Variants in CCDC33 observed in about 807,000 individuals in gnomAD.
The protein encoded by CCDC33 is coiled-coil domain containing 33.
Under a neutral mutation model 91.9 loss-of-function variants are expected in CCDC33, and 94 were observed. The ratio of observed to expected loss-of-function variants is 1.02; its 90% confidence interval spans 0.87 to 1.21. The LOEUF is 1.21. CCDC33 is among the 50% of genes most tolerant of loss of function. The probability of loss-of-function intolerance (pLI) is 0.00; values close to 1 mark genes in which losing one functional copy is unlikely to be tolerated. For missense variants in CCDC33, 940 were observed against 935.5 expected, an observed-to-expected ratio of 1.00 and a Z score of -0.06; for synonymous variants, 396 against 374.5, an observed-to-expected ratio of 1.06 and a Z score of -0.66.
rs932174441 is a variant in CCDC33 at position 74,280,086 on chromosome 15, A to G, written c.883A>G (p.Thr295Ala). ...TALVLEYYSS[T>A]SMKGSQPWTL... ...CCTGGTGCTGGAGTACTACTCCTCAACTTCAAGTACGTGACCCCTGGTGCC... is the reference window on the plus strand; with the variant it reads ...CCTGGTGCTGGAGTACTACTCCTCAGCTTCAAGTACGTGACCCCTGGTGCC... Residue 295 changes from threonine (T) to alanine (A), a missense_variant, in exon 8 of 19, where the codon ACT (threonine) becomes GCT (alanine). Transcript: ENST00000398814. The G allele has an allele frequency of 3.7e-6, 6 of 1,613,888 alleles. No homozygotes were observed. The highest frequency in any genetic ancestry group is 3.4e-6 in the Non-Finnish European group (4 of 1,179,930).
intron 2 of CCDC33, among the ~76,000 whole-genome samples, chr15:74,249,832 A>T (rs1336736680): frequency 6.6e-6 from 1 of 152,042 alleles, no homozygotes; most frequent in Non-Finnish European, 1.5e-5. Flanking sequence ...TGGACGGGTG[A>T]ATTTGTTTAT....
At chr15:74,330,813 AAG>A in intron 13 of CCDC33, 62 bp downstream of exon 13, 1 of 1,544,136 alleles carries the variant, frequency 6.5e-7, no homozygotes, top group Non-Finnish European at 8.9e-7. Context: ...TCGGGGTGAG[AAG>A]AGTCTGGGAG....
At chr15:74,296,203 A>G (rs2059683116) in intron 11 of CCDC33, among the ~76,000 whole-genome samples, 1 of 152,240 alleles carries the variant, frequency 6.6e-6, no homozygotes, top group Non-Finnish European at 1.5e-5. Context: ...CAACACTTGT[A>G]AGCCAGGGTT....
chr15:74,225,339 C>T (rs185468912), intron 2 of CCDC33, among the ~76,000 whole-genome samples: 10 of 152,124 alleles, frequency 6.6e-5, no homozygotes, highest in African/African-American at 2.4e-4. Flanking sequence ...TGCAGGAAGG[C>T]CCAGTGACGA....
intron 1 of CCDC33, among the ~76,000 whole-genome samples, chr15:74,204,849 C>T (rs1183868091): frequency 4.6e-5 from 7 of 152,046 alleles, no homozygotes; most frequent in African/African-American, 1.5e-4. Flanking sequence ...GCAGGAGAAT[C>T]GCTTGAACCC....
Position 74,331,192 on chromosome 15 carries a change from CT to C in CCDC33, c.1678-10del, listed in dbSNP as rs1478509177. ...CCCCTGGGCCAGCCCAGCCTCTGCT[CT>C]GCTCTCCAGGTGATCGAGAAGATGG... is the stretch of plus-strand genomic sequence containing the variant. On this transcript the variant is annotated splice_polypyrimidine_tract_variant and intron_variant, in intron 14 of 18. Transcript: ENST00000398814. 6 of 1,614,032 alleles carry C rather than the reference CT, an allele frequency of 3.7e-6. No individual in the cohort carries two copies. The highest frequency in any genetic ancestry group is 5.1e-6 in the Non-Finnish European group (6 of 1,180,012).
chr15:74,307,592 T>C (rs1596081863), intron 11 of CCDC33, among the ~76,000 whole-genome samples: 1 of 152,114 alleles, frequency 6.6e-6, no homozygotes, highest in African/African-American at 2.4e-5. Context: ...CTCACCATCT[T>C]CCCAGCCTAT....
chr15:74,231,701 A>G (rs2074976300), upstream of CCDC33, among the ~76,000 whole-genome samples: 1 of 152,096 alleles, frequency 6.6e-6, no homozygotes, highest in Admixed American at 6.5e-5. Flanking sequence ...ATTCCCTCAG[A>G]GCATTTGTGT....
chr15:74,334,455 G>T (rs1274987133), intron 17 of CCDC33, among the ~76,000 whole-genome samples: 6 of 149,572 alleles, frequency 4.0e-5, no homozygotes, highest in Admixed American at 3.3e-4. Context: ...TACAACCAGG[G>T]TCAGGGTTCA....
In CCDC33 at chr15:74,281,838, CTTTCCT is replaced by C; in HGVS notation, c.1085_1090del (p.Leu362_Ser364delinsPro). 1 of 1,614,040 alleles carries C rather than the reference CTTTCCT, an allele frequency of 6.2e-7. No individual in the cohort carries two copies. Among genetic ancestry groups the C allele is most frequent in the South Asian group, 1.1e-5 (1 of 91,056 alleles). ...CACAGTGGCTCTCTCCTTCCAGCTG[CTTTCCT>C]CTGAGGTAAGGCTGTGGGCCAGGGG... On this transcript the variant is annotated inframe_deletion, in exon 10 of 19. Coordinates refer to ENST00000398814, the MANE Select transcript of CCDC33 (RefSeq NM_025055.5).
intron 1 of CCDC33, among the ~76,000 whole-genome samples, chr15:74,204,841 AG>A (rs2074222929): frequency 6.6e-6 from 1 of 152,194 alleles, no homozygotes; most frequent in African/African-American, 2.4e-5. Context: ...AGGCTGAGGC[AG>A]GAGAATCGCT....
intron 11 of CCDC33, among the ~76,000 whole-genome samples, chr15:74,329,713 C>T (rs2060386485): frequency 6.6e-6 from 1 of 152,214 alleles, no homozygotes; most frequent in South Asian, 2.1e-4. Flanking sequence ...GGGCTGATGC[C>T]CAGTCACCTT....
exon 2 of CCDC33, chr15:74,209,523 C>G: frequency 7.5e-7 from 1 of 1,325,324 alleles, no homozygotes; most frequent in Non-Finnish European, 1.0e-6. Context: ...GGCTTCAGGG[C>G]TGGAATTCCA....
chr15:74,299,379 C>T (rs558094543), intron 11 of CCDC33: 1 of 152,510 alleles, frequency 6.6e-6, no homozygotes, highest in East Asian at 1.9e-4. Context: ...AACACACTGA[C>T]TTACTCGCCT....
intron 11 of CCDC33, chr15:74,300,895 A>G (rs2059782734): frequency 6.6e-6 from 1 of 152,278 alleles, no homozygotes; most frequent in African/African-American, 2.4e-5. Flanking sequence ...TCACCTTGGA[A>G]CACTTCGTTT....
intron 11 of CCDC33, among the ~76,000 whole-genome samples, chr15:74,297,605 G>A (rs2059714042): frequency 6.6e-6 from 1 of 152,166 alleles, no homozygotes; most frequent in African/African-American, 2.4e-5. Flanking sequence ...GAGGCAGGAG[G>A]ATCACTTGAG....
In CCDC33 at chr15:74,236,634, C is replaced by A; in HGVS notation, c.-86C>A. The stretch of plus-strand genomic sequence containing the variant: ...AAGACGCCCAGGCCAGCTGTCTGGG[C>A]AGGACTGATTCCTGATCACCCACTG... On this transcript the variant is annotated 5_prime_UTR_variant, in exon 1 of 19. Transcript: ENST00000398814. 7 of 1,314,946 alleles carry A rather than the reference C, an allele frequency of 5.3e-6. No homozygotes were observed. Among genetic ancestry groups the A allele is most frequent in the Non-Finnish European group, 3.3e-6 (3 of 917,554 alleles). The allele number at this position is 1,314,946 out of a possible 1,614,324, so 81.5% of individuals were successfully genotyped here.
At chr15:74,245,691 G>C (rs2075503838) in intron 2 of CCDC33, among the ~76,000 whole-genome samples, 1 of 151,226 alleles carries the variant, frequency 6.6e-6, no homozygotes, top group South Asian at 2.1e-4. Context: ...TGGGGGTTCG[G>C]AGAGCCGGGC....
chr15:74,204,552 C>T (rs2074213241), intron 1 of CCDC33, among the ~76,000 whole-genome samples: 1 of 152,230 alleles, frequency 6.6e-6, no homozygotes, highest in Non-Finnish European at 1.5e-5. Context: ...AATCCACCTC[C>T]AACCATTGGA....
Sources: allele counts gnomAD v4.1 joint callset (sites outside exome capture counted in the v4.1 genomes callset), GRCh38; gene constraint gnomAD v4.1.1; transcripts MANE v1.5; gene names NCBI Gene and HGNC (gene_info 2026-07-23, HGNC 2026-07-21).